The following HPSE2 variants were observed in gnomAD, a reference collection of about 807,000 sequenced individuals.
The protein encoded by HPSE2 is heparanase 2 (inactive).
HPSE2 carries 38 observed loss-of-function variants against 60.5 expected under a neutral mutation model. The observed-to-expected ratio is 0.63, with a 90% CI of 0.48 to 0.82. The LOEUF (loss-of-function observed/expected upper bound fraction) is 0.82, where lower values mean the gene tolerates loss of function less well. Ranked by LOEUF, HPSE2 falls within the 40% of genes least tolerant of loss-of-function variation. HPSE2 has a pLI of 0.00. For synonymous variants in HPSE2, 295 were observed against 293.2 expected (o/e 1.01, Z -0.06); for missense variants, 713 against 740.4 (o/e 0.96, Z 0.43).
intron 3 of HPSE2, among the ~76,000 whole-genome samples, chr10:98,902,346 C>T (rs1010065078): frequency 6.6e-6 from 1 of 152,130 alleles, no homozygotes; most frequent in African/African-American, 2.4e-5. Context: ...GAGTACTTTA[C>T]TACTTGACAT....
intron 3 of HPSE2, among the ~76,000 whole-genome samples, chr10:98,976,636 T>C (rs958647481): frequency 2.6e-5 from 4 of 152,098 alleles, no homozygotes; most frequent in African/African-American, 9.7e-5. Flanking sequence ...ACCATCTCTC[T>C]GCTTATAATT....
chr10:99,241,177 G>C, the HPSE2 span, among the ~76,000 whole-genome samples: 133,683 of 152,242 alleles, frequency 0.88, 58,920 homozygotes, highest in African/African-American at 0.94. Flanking sequence ...TGACTCTAAA[G>C]CCTAGGTTTG....
At chr10:98,653,495 T>C (rs1414376174) in intron 6 of HPSE2, among the ~76,000 whole-genome samples, 1 of 151,984 alleles carries the variant, frequency 6.6e-6, no homozygotes, top group East Asian at 1.9e-4. Flanking sequence ...TCTCCTCTCT[T>C]AGTATACTAT....
intron 3 of HPSE2, among the ~76,000 whole-genome samples, chr10:99,132,233 G>A (rs56916240): frequency 0.38 from 6,290 of 16,462 alleles, 1,068 homozygotes; most frequent in African/African-American, 0.41. Flanking sequence ...GAGAGAGAGA[G>A]AGAGAGAGAG....
chr10:99,119,325 A>AT (rs1313369655), intron 3 of HPSE2, among the ~76,000 whole-genome samples: 2 of 152,200 alleles, frequency 1.3e-5, no homozygotes, highest in African/African-American at 4.8e-5. Context: ...TAAATCAGGA[A>AT]TGCAATCCCA....
intron 5 of HPSE2, among the ~76,000 whole-genome samples, chr10:98,698,430 C>A (rs1340990797): frequency 1.3e-5 from 2 of 151,656 alleles, no homozygotes; most frequent in African/African-American, 4.9e-5. Flanking sequence ...TAAAGATGTT[C>A]TTTGAAACCA....
intron 9 of HPSE2, among the ~76,000 whole-genome samples, chr10:98,517,911 C>G (rs1184522558): frequency 1.3e-5 from 2 of 152,222 alleles, no homozygotes; most frequent in Admixed American, 6.5e-5. Flanking sequence ...TGGCACAGGC[C>G]TGGTTGTTAC....
intron 6 of HPSE2, among the ~76,000 whole-genome samples, chr10:98,692,919 G>A (rs1212686807): frequency 6.6e-6 from 1 of 152,208 alleles, no homozygotes; most frequent in African/African-American, 2.4e-5. Flanking sequence ...AAACACTTTA[G>A]GTGGGGAACT....
intron 3 of HPSE2, among the ~76,000 whole-genome samples, chr10:98,926,886 G>A (rs1954481735): frequency 1.3e-5 from 2 of 152,262 alleles, no homozygotes; most frequent in South Asian, 4.2e-4. Context: ...TCACTCAGGA[G>A]CAGGTTGTTC....
intron 3 of HPSE2, among the ~76,000 whole-genome samples, chr10:98,984,125 G>C (rs1002185874): frequency 6.6e-6 from 1 of 152,200 alleles, no homozygotes; most frequent in African/African-American, 2.4e-5. Context: ...GTCCTTATCT[G>C]ACAGCTTTGA....
chr10:98,714,032 C>A (rs1364533465), intron 5 of HPSE2, among the ~76,000 whole-genome samples: 4 of 151,860 alleles, frequency 2.6e-5, no homozygotes, highest in African/African-American at 9.7e-5. Flanking sequence ...TTCATTCTTT[C>A]TGTAACTATA....
chr10:99,198,063 G>A (rs147225112), intron 2 of HPSE2, among the ~76,000 whole-genome samples: 6,280 of 146,902 alleles, frequency 0.043, 193 homozygotes, highest in Non-Finnish European at 0.066. Flanking sequence ...GCAAGACTCC[G>A]TCTCAAAAAA....
chr10:98,830,142 G>T (rs1395811240), intron 3 of HPSE2, among the ~76,000 whole-genome samples: 1 of 152,178 alleles, frequency 6.6e-6, no homozygotes, highest in Non-Finnish European at 1.5e-5. Context: ...ACAGTCAGGT[G>T]TTAGTCCATA....
chr10:98,943,323 G>A (rs917496497), intron 3 of HPSE2, among the ~76,000 whole-genome samples: 1 of 151,548 alleles, frequency 6.6e-6, no homozygotes, highest in Non-Finnish European at 1.5e-5. Flanking sequence ...GGTAAAAATG[G>A]GAGACTTGTA....
chr10:98,755,524 A>C (rs1170620789), intron 3 of HPSE2, among the ~76,000 whole-genome samples: 2 of 152,368 alleles, frequency 1.3e-5, no homozygotes, highest in East Asian at 3.9e-4. Context: ...TGGACCTAAC[A>C]GATATCTGCA....
At chr10:98,704,911 G>C (rs1948506196) in intron 5 of HPSE2, among the ~76,000 whole-genome samples, 1 of 152,058 alleles carries the variant, frequency 6.6e-6, no homozygotes, top group Admixed American at 6.6e-5. Flanking sequence ...TTGACAAATG[G>C]GATCTAATTA....
chr10:98,748,868 G>GA, intron 3 of HPSE2, among the ~76,000 whole-genome samples: 1 of 151,646 alleles, frequency 6.6e-6, no homozygotes, highest in Admixed American at 6.6e-5. Context: ...AACTGAGGAG[G>GA]AAAAGGACTG....
chr10:99,104,017 A>T (rs1193016294), intron 3 of HPSE2, among the ~76,000 whole-genome samples: 1 of 152,228 alleles, frequency 6.6e-6, no homozygotes, highest in African/African-American at 2.4e-5. Flanking sequence ...GTTAGACCTA[A>T]AACCATAAAA....
intron 9 of HPSE2, among the ~76,000 whole-genome samples, chr10:98,511,690 A>G (rs1942412729): frequency 1.3e-5 from 2 of 151,864 alleles, no homozygotes; most frequent in Admixed American, 6.6e-5. Flanking sequence ...TTGCATTCCC[A>G]GTGCCATAGA....
Sources: allele counts gnomAD v4.1 joint callset (sites outside exome capture counted in the v4.1 genomes callset), GRCh38; gene constraint gnomAD v4.1.1; transcripts MANE v1.5; gene names NCBI Gene and HGNC (gene_info 2026-07-23, HGNC 2026-07-21).